INSYN2B: variants seen among roughly 807,000 people sequenced by gnomAD.
INSYN2B encodes the protein inhibitory synaptic factor family member 2B, also known as protein INSYN2B.
A neutral mutation model predicts 41.2 loss-of-function variants in INSYN2B; 16 were observed. The observed-to-expected ratio is 0.39, with a 90% CI of 0.26 to 0.59. The LOEUF (loss-of-function observed/expected upper bound fraction) is 0.59. Among genes scored for constraint, INSYN2B ranks in the 20% least tolerant of loss-of-function variants. INSYN2B has a pLI of 0.57. For missense variants in INSYN2B, 608 were observed against 646.4 expected (o/e 0.94, Z 0.64); for synonymous variants, 245 against 244.4 (o/e 1.00, Z -0.02).
intron 1 of INSYN2B, among the ~76,000 whole-genome samples, chr5:169,947,954 A>G (rs1381052532): frequency 2.6e-5 from 4 of 152,204 alleles, no homozygotes; most frequent in East Asian, 1.9e-4. Flanking sequence ...AGCTTCACCC[A>G]GGGGTCCTTG....
At chr5:169,950,248 A>C (rs1301079474) in intron 1 of INSYN2B, among the ~76,000 whole-genome samples, 3 of 152,232 alleles carry the variant, frequency 2.0e-5, no homozygotes, top group African/African-American at 7.2e-5. Context: ...CCCTAGAGAA[A>C]GTTATTAACC....
At chr5:169,894,950 G>C (rs1018275273) in intron 1 of INSYN2B, among the ~76,000 whole-genome samples, 1 of 152,164 alleles carries the variant, frequency 6.6e-6, no homozygotes, top group African/African-American at 2.4e-5. Context: ...GTGGCCCCCC[G>C]TGAGGTCTGC....
intron 1 of INSYN2B, among the ~76,000 whole-genome samples, chr5:169,938,823 A>C (rs1157729062): frequency 6.6e-6 from 1 of 152,212 alleles, no homozygotes; most frequent in African/African-American, 2.4e-5. Context: ...GCTTAGCTTA[A>C]AACACAAATA....
At chr5:169,937,711 G>A (rs1468716684) in intron 1 of INSYN2B, among the ~76,000 whole-genome samples, 2 of 152,142 alleles carry the variant, frequency 1.3e-5, no homozygotes, top group African/African-American at 4.8e-5. Context: ...TTCTCATTTA[G>A]TAACACTTTT....
intron 1 of INSYN2B, among the ~76,000 whole-genome samples, chr5:169,916,331 C>T (rs1301651564): frequency 3.3e-5 from 5 of 152,228 alleles, no homozygotes; most frequent in African/African-American, 4.8e-5. Context: ...TCTAAGGAAC[C>T]AGCCACTTTG....
At chr5:169,888,123 GA>G (rs1441793496) in intron 1 of INSYN2B, among the ~76,000 whole-genome samples, 3 of 152,176 alleles carry the variant, frequency 2.0e-5, no homozygotes, top group African/African-American at 7.2e-5. Context: ...GGAAGTTTAG[GA>G]AATACAAAAT....
chr5:169,924,228 AC>A (rs2113660266), intron 1 of INSYN2B, among the ~76,000 whole-genome samples: 1 of 152,300 alleles, frequency 6.6e-6, no homozygotes, highest in South Asian at 2.1e-4. Context: ...CCAGCCACAC[AC>A]ACTAGCTCTG....
intron 1 of INSYN2B, among the ~76,000 whole-genome samples, chr5:169,908,859 C>G (rs1420761558): frequency 6.6e-6 from 1 of 151,938 alleles, no homozygotes; most frequent in African/African-American, 2.4e-5. Context: ...GGACTACAGG[C>G]CCCCACTACA....
At chr5:169,890,238 A>G (rs73800228) in intron 1 of INSYN2B, among the ~76,000 whole-genome samples, 5,254 of 152,210 alleles carry the variant, frequency 0.035, 181 homozygotes, top group African/African-American at 0.088. Flanking sequence ...CAGTTACAGG[A>G]TGCATTTCTA....
chr5:169,867,083 T>G (rs945753955), intron 3 of INSYN2B, among the ~76,000 whole-genome samples: 2 of 152,254 alleles, frequency 1.3e-5, no homozygotes, highest in Non-Finnish European at 2.9e-5. Flanking sequence ...TTCACAGAAC[T>G]CAGGGAAACA....
At chr5:169,904,025 A>T (rs1337882410) in intron 1 of INSYN2B, among the ~76,000 whole-genome samples, 2 of 148,358 alleles carry the variant, frequency 1.3e-5, no homozygotes, top group African/African-American at 5.0e-5. Flanking sequence ...CCTGGGAGGC[A>T]GAGGTTGCAG....
chr5:169,943,439 T>C (rs1374500990), intron 1 of INSYN2B, among the ~76,000 whole-genome samples: 3 of 152,166 alleles, frequency 2.0e-5, no homozygotes, highest in Admixed American at 6.5e-5. Flanking sequence ...ATGTGAATCC[T>C]TTCTAACATT....
intron 1 of INSYN2B, among the ~76,000 whole-genome samples, chr5:169,920,310 G>C (rs994188715): frequency 6.6e-6 from 1 of 152,166 alleles, no homozygotes; most frequent in Non-Finnish European, 1.5e-5. Flanking sequence ...TATGTAAGAT[G>C]TAATTATATG....
intron 1 of INSYN2B, among the ~76,000 whole-genome samples, chr5:169,911,023 A>C (rs1774567617): frequency 6.6e-6 from 1 of 152,150 alleles, no homozygotes; most frequent in Non-Finnish European, 1.5e-5. Context: ...CAGGAAAAGC[A>C]TTTCTACCTT....
At chr5:169,872,565 T>G (rs1398916806) in intron 3 of INSYN2B, among the ~76,000 whole-genome samples, 6 of 152,204 alleles carry the variant, frequency 3.9e-5, no homozygotes, top group Admixed American at 3.9e-4. Context: ...CTTCTTGGCA[T>G]GTATATAAAT....
chr5:169,868,715 A>G (rs2113446154), intron 3 of INSYN2B, among the ~76,000 whole-genome samples: 1 of 152,304 alleles, frequency 6.6e-6, no homozygotes, highest in South Asian at 2.1e-4. Context: ...CTATGAGTGC[A>G]CCACTGCACT....
At chr5:169,915,556 GAACA>G (rs905239168) in intron 1 of INSYN2B, among the ~76,000 whole-genome samples, 1 of 110,506 alleles carries the variant, frequency 9.0e-6, no homozygotes, top group African/African-American at 3.8e-5. Context: ...AATTGACAGG[GAACA>G]CACACACACA....
chr5:169,874,555 A>G (rs1772201080), intron 3 of INSYN2B, among the ~76,000 whole-genome samples: 1 of 152,106 alleles, frequency 6.6e-6, no homozygotes, highest in African/African-American at 2.4e-5. Context: ...CCATACCCCT[A>G]TCCTGAAGTG....
chr5:169,864,262 T>C lies in INSYN2B; in HGVS notation c.*11A>G. 1 of 1,550,630 alleles carries C rather than the reference T, an allele frequency of 6.4e-7. No homozygotes were observed. Among genetic ancestry groups the C allele is most frequent in the Non-Finnish European group, 8.7e-7 (1 of 1,146,168 alleles). On this transcript the variant is annotated 3_prime_UTR_variant, in exon 4 of 4. Transcript: ENST00000377365. ...GTGGAGTTGGGGGGCTGGGGGATGGTCCCAACCAGCTCAGATCCACCAGAA... is the reference window on the plus strand; with the variant it reads ...GTGGAGTTGGGGGGCTGGGGGATGGCCCCAACCAGCTCAGATCCACCAGAA...
Sources: allele counts gnomAD v4.1 joint callset (sites outside exome capture counted in the v4.1 genomes callset), GRCh38; gene constraint gnomAD v4.1.1; transcripts MANE v1.5; gene names NCBI Gene and HGNC (gene_info 2026-07-23, HGNC 2026-07-21).